Variants in NEK8 observed in about 807,000 individuals in gnomAD.
NEK8 encodes the protein serine/threonine-protein kinase Nek8.
In NEK8, 51 loss-of-function variants were observed where a neutral mutation model predicts 77.2. The observed-to-expected ratio is 0.66, with a 90% CI of 0.53 to 0.83. The LOEUF is 0.83. Ranked by LOEUF, NEK8 falls within the 40% of genes least tolerant of loss-of-function variation. NEK8 has a pLI of 0.00. For synonymous variants in NEK8, 365 were observed against 363.2 expected, an observed-to-expected ratio of 1.00 and a Z score of -0.06; for missense variants, 787 against 909.2, an observed-to-expected ratio of 0.87 and a Z score of 1.73.
In NEK8 at chr17:28,737,737, G is replaced by A; in HGVS notation, c.889+1G>A. On this transcript the variant is annotated splice_donor_variant, in intron 6 of 14. Transcript: ENST00000268766. LOFTEE classifies it high-confidence loss of function. The surrounding 1 kb of genome is among the most constrained non-coding windows in gnomAD (Gnocchi z 4.8). ...AGGACCACCAGTGTCCGCTGCAGAG[G>A]TAAGTGGGAAGAGGCCGCCAGTCCC... 6.2e-7 allele frequency: 1 copy of A among 1,614,152 alleles called. No individual in the cohort carries two copies. The highest frequency in any genetic ancestry group is 8.5e-7 in the Non-Finnish European group (1 of 1,180,028).
In NEK8 at chr17:28,738,543, T is replaced by G. The variant is rs867385075; in HGVS notation, c.1223-128T>G. On this transcript the variant is annotated intron_variant, in intron 8 of 14. Transcript: ENST00000268766. Reference sequence around the variant, plus strand: ...AAGGGACTCATATCCTTTTCTCTCTTCCTATCCCATCCTTCCAGCCCTGGT... The same window carrying G: ...AAGGGACTCATATCCTTTTCTCTCTGCCTATCCCATCCTTCCAGCCCTGGT... The G allele has an allele frequency of 3.3e-5, 28 of 840,746 alleles. 1 individual carries two copies. The Middle Eastern group carries it at 1.9e-3, about 57-fold the overall frequency. The allele number at this position is 840,746 out of a possible 1,614,324, so 52.1% of individuals were successfully genotyped here.
At chr17:28,738,775 G>T in intron 9 of NEK8, 28 bp downstream of exon 9, 1 of 1,566,864 alleles carries the variant, frequency 6.4e-7, no homozygotes, top group Non-Finnish European at 8.8e-7. Context: ...CTTGGGAAGG[G>T]GAAGTCGGGG....
chr17:28,734,253 G>T, intron 2 of NEK8, 65 bp downstream of exon 2: 2 of 1,413,666 alleles, frequency 1.4e-6, no homozygotes, highest in Non-Finnish European at 2.0e-6. Flanking sequence ...GGCAGACACA[G>T]ATCTCCTGGC....
intron 4 of NEK8, among the ~76,000 whole-genome samples, chr17:28,736,914 T>G (rs1290310725): frequency 5.9e-5 from 9 of 152,262 alleles, no homozygotes; most frequent in Non-Finnish European, 1.3e-4. Flanking sequence ...GTCTAACATG[T>G]AAGTCTTTAG....
rs1013871978 is a variant in NEK8 at position 28,728,948 on chromosome 17, C to T, written c.47+88C>T. ...CCGCGAAGTCGCCGCCCGCCTAATCCCGCCCCAAGGCGTGAGCGCCACTCT... is the reference window on the plus strand; with the variant it reads ...CCGCGAAGTCGCCGCCCGCCTAATCTCGCCCCAAGGCGTGAGCGCCACTCT... On this transcript the variant is annotated intron_variant, in intron 1 of 14. Coordinates refer to ENST00000268766, the MANE Select transcript of NEK8 (RefSeq NM_178170.3). 7.3e-6 allele frequency: 9 copies of T among 1,239,034 alleles called. No homozygotes were observed. The Admixed American group carries it at 9.9e-5, about 14-fold the overall frequency. 76.8% of individuals were successfully genotyped at this position (1,239,034 alleles called of 1,614,324 possible).
intron 1 of NEK8, among the ~76,000 whole-genome samples, 191 bp downstream of exon 1, chr17:28,729,051 C>T (rs908412756): frequency 1.3e-5 from 2 of 152,376 alleles, no homozygotes; most frequent in African/African-American, 2.4e-5. Flanking sequence ...CCTGACAGGC[C>T]CATTGCTCCG....
At chr17:28,730,502 G>A (rs981016508) in intron 1 of NEK8, among the ~76,000 whole-genome samples, 2 of 152,060 alleles carry the variant, frequency 1.3e-5, no homozygotes, top group African/African-American at 4.8e-5. Flanking sequence ...TCGAACTCCT[G>A]ACCTCAGGCG....
intron 8 of NEK8, 26 bp downstream of exon 8, chr17:28,738,271 G>GCTCTGAGGCT: frequency 6.2e-7 from 1 of 1,613,994 alleles, no homozygotes; most frequent in East Asian, 2.2e-5. Context: ...TACCTTGTGG[G>GCTCTGAGGCT]ACCTGCTCTG....
Position 28,741,445 on chromosome 17 carries a change from C to G in NEK8, c.1924C>G (p.Arg642Gly). ...SEVYSWGKGA[R>G]GRLGRRDEDA... Reference sequence around the variant, plus strand: ...AGTGTACTCTTGGGGCAAAGGGGCGCGAGGTCGATTGGGAAGGAGGGATGA... The same window carrying G: ...AGTGTACTCTTGGGGCAAAGGGGCGGGAGGTCGATTGGGAAGGAGGGATGA... Residue 642 changes from arginine to glycine, a missense_variant, in exon 14 of 15, where the codon CGA becomes GGA. Transcript: ENST00000268766. This position sits in a 1 kb window ranked among gnomAD's most constrained non-coding sequence, Gnocchi z 4.5. The G allele has an allele frequency of 1.2e-6, 2 of 1,614,050 alleles. No homozygotes were observed. Among genetic ancestry groups the G allele is most frequent in the Non-Finnish European group, 1.7e-6 (2 of 1,179,990 alleles).
At position 28,728,796 on chromosome 17, in the gene NEK8, GA is replaced by G; in HGVS notation, c.-15del. The G allele has an allele frequency of 6.4e-7, 1 of 1,550,792 alleles. No individual in the cohort carries two copies. The highest frequency in any genetic ancestry group is 1.4e-5 in the African/African-American group (1 of 73,178). Reference sequence around the variant, plus strand: ...CACGCGCCGCGTGGGGGACGGAAGTGAAACTCTAAGAAATGAGATGGAGAAG... The same window carrying G: ...CACGCGCCGCGTGGGGGACGGAAGTGAACTCTAAGAAATGAGATGGAGAAG... On this transcript the variant is annotated 5_prime_UTR_variant, in exon 1 of 15. Transcript: ENST00000268766.
chr17:28,728,934 C>A lies in NEK8; in HGVS notation c.47+74C>A. The A allele has an allele frequency of 5.2e-6, 7 of 1,349,842 alleles. No individual in the cohort carries two copies. The East Asian group carries it at 7.5e-5, about 14-fold the overall frequency. The allele number at this position is 1,349,842 out of a possible 1,614,324, so 83.6% of individuals were successfully genotyped here. ...AGCCCCAATTCCGCCCGCGAAGTCG[C>A]CGCCCGCCTAATCCCGCCCCAAGGC... On this transcript the variant is annotated intron_variant, in intron 1 of 14. Coordinates refer to ENST00000268766, the MANE Select transcript of NEK8 (RefSeq NM_178170.3).
At position 28,741,404 on chromosome 17, in the gene NEK8, T is replaced by G; in HGVS notation, c.1892-9T>G. 1 of 1,613,676 alleles carries G rather than the reference T, an allele frequency of 6.2e-7. No individual in the cohort carries two copies. The highest frequency in any genetic ancestry group is 1.3e-5 in the African/African-American group (1 of 75,028). On this transcript the variant is annotated splice_polypyrimidine_tract_variant and intron_variant, in intron 13 of 14. Transcript: ENST00000268766. The surrounding 1 kb of genome is among the most constrained non-coding windows in gnomAD (Gnocchi z 4.5). The stretch of plus-strand genomic sequence containing the variant: ...TTCCCACTTCCCTCCTGGGGATTCT[T>G]CCTGGCAGAGAGCGAAGTGTACTCT...
intron 8 of NEK8, 140 bp from the exon 9 acceptor site, chr17:28,738,531 C>A: frequency 1.2e-6 from 1 of 800,842 alleles, no homozygotes; most frequent in Non-Finnish European, 2.2e-6. Flanking sequence ...GGACTCATAT[C>A]CTTTTCTCTC....
In NEK8 at chr17:28,740,739, C is replaced by T; in HGVS notation, c.1569-83C>T. 1.9e-6 allele frequency: 3 copies of T among 1,590,096 alleles called. No individual in the cohort carries two copies. The highest frequency in any genetic ancestry group is 3.3e-5 in the Admixed American group (2 of 59,998). Reference sequence around the variant, plus strand: ...GGGTTGAGGGTGCTATTGGTTCAACCCAGGGTGGGATCTGTCTCCTGGTGC... The same window carrying T: ...GGGTTGAGGGTGCTATTGGTTCAACTCAGGGTGGGATCTGTCTCCTGGTGC... On this transcript the variant is annotated intron_variant, in intron 11 of 14. Transcript: ENST00000268766. This position sits in a 1 kb window ranked among gnomAD's most constrained non-coding sequence, Gnocchi z 4.7.
At chr17:28,729,231 A>G (rs1192943273) in intron 1 of NEK8, among the ~76,000 whole-genome samples, 1 of 152,264 alleles carries the variant, frequency 6.6e-6, no homozygotes, top group Non-Finnish European at 1.5e-5. Flanking sequence ...ACAAAACATT[A>G]TGAAGTAAGA....
At chr17:28,729,689 C>A (rs1442481371) in intron 1 of NEK8, among the ~76,000 whole-genome samples, 1 of 150,846 alleles carries the variant, frequency 6.6e-6, no homozygotes, top group African/African-American at 2.4e-5. Flanking sequence ...ACTACAGGCA[C>A]GCGCCACCAT....
Position 28,735,287 on chromosome 17 carries a change from G to A in NEK8, c.534G>A (p.Lys178=). The A allele has an allele frequency of 1.9e-6, 3 of 1,614,150 alleles. No individual in the cohort carries two copies. The highest frequency in any genetic ancestry group is 1.7e-6 in the Non-Finnish European group (2 of 1,180,016). Residue 178 remains lysine, a synonymous_variant, in exon 4 of 15, where the codon AAG becomes AAA. Coordinates refer to ENST00000268766, the MANE Select transcript of NEK8 (RefSeq NM_178170.3). ...TCTCCCCTGAGCTGTGTGAGGGCAA[G>A]CCCTACAACCAGAAGAGTGACATCT... is the stretch of plus-strand genomic sequence containing the variant. ...CYISPELCEG[K]PYNQKSDIWA...
In NEK8 at chr17:28,738,202, C is replaced by G. The variant is rs775138270; in HGVS notation, c.1179C>G (p.Ile393Met). The change falls in exon 8 of 15, where the codon ATC becomes ATG. Residue 393 changes from isoleucine (I) to methionine (M), a missense_variant. By Grantham distance (10) the Ile-to-Met change is conservative. This residue lies in a region of NEK8 where 516 missense variants were observed against 544.0 expected (regional missense o/e 0.95). Coordinates refer to ENST00000268766, the MANE Select transcript of NEK8 (RefSeq NM_178170.3). ...RFLEGQSGVT[I>M]KHVACGDFFT... is the part of the protein sequence containing the mutation. ...TGGAGGGCCAGTCGGGTGTGACCAT[C>G]AAGCACGTGGCCTGTGGGGACTTCT... is the stretch of plus-strand genomic sequence containing the variant. 197 of 1,614,070 alleles carry G rather than the reference C, an allele frequency of 1.2e-4. No homozygotes were observed. Among genetic ancestry groups the G allele is most frequent in the Non-Finnish European group, 1.6e-4 (190 of 1,180,028 alleles).
At chr17:28,739,031 C>G (rs1024449425) in intron 9 of NEK8, 53 bp from the exon 10 acceptor site, 3 of 1,355,962 alleles carry the variant, frequency 2.2e-6, no homozygotes, top group Non-Finnish European at 3.2e-6. Flanking sequence ...GTGTTGAAGC[C>G]AGATGGCTCC....
Sources: allele counts gnomAD v4.1 joint callset (sites outside exome capture counted in the v4.1 genomes callset), GRCh38; gene constraint gnomAD v4.1.1; regional missense constraint gnomAD v4.1.1; non-coding constraint Gnocchi (gnomAD v3.1); transcripts MANE v1.5; gene names NCBI Gene and HGNC (gene_info 2026-07-23, HGNC 2026-07-21).